The following UBOX5 variants were observed in gnomAD, a reference collection of about 807,000 sequenced individuals.
The protein encoded by UBOX5 is RING finger protein 37.
Under a neutral mutation model 39.0 loss-of-function variants are expected in UBOX5, and 28 were observed. The observed-to-expected ratio is 0.72, with a 90% confidence interval of 0.53 to 0.98. The LOEUF is 0.98. Among genes scored for constraint, UBOX5 ranks in the 50% least tolerant of loss-of-function variants. UBOX5 has a pLI of 0.00. For missense variants in UBOX5, 585 were observed against 674.4 expected (o/e 0.87, Z 1.47); for synonymous variants, 283 against 275.5 (o/e 1.03, Z -0.27).
chr20:3,147,381 A>G (rs768045467), intron 1 of UBOX5: 1 of 1,614,266 alleles, frequency 6.2e-7, no homozygotes, highest in Non-Finnish European at 8.5e-7. Flanking sequence ...TCCAGTAAAA[A>G]GACAGTTTCT....
intron 1 of UBOX5, among the ~76,000 whole-genome samples, chr20:3,157,803 T>C (rs1274649777): frequency 6.6e-6 from 1 of 152,212 alleles, no homozygotes; most frequent in Non-Finnish European, 1.5e-5. Context: ...GTTAGCTCAA[T>C]AAACACTTGG....
chr20:3,125,718 T>C (rs1410478009), intron 1 of UBOX5, among the ~76,000 whole-genome samples: 112 of 91,582 alleles, frequency 1.2e-3, no homozygotes, highest in African/African-American at 1.6e-3. Flanking sequence ...TGCCTCTGCC[T>C]GGCCGCCCAT....
intron 1 of UBOX5, among the ~76,000 whole-genome samples, 198 bp downstream of exon 1, chr20:3,159,568 G>C (rs2066724839): frequency 1.3e-5 from 2 of 152,258 alleles, no homozygotes; most frequent in Admixed American, 6.5e-5. Context: ...AAACTCAGGA[G>C]CGGCGAGAGT....
chr20:3,110,418 G>A, intron 4 of UBOX5, 104 bp from the exon 5 acceptor site: 3 of 1,319,830 alleles, frequency 2.3e-6, no homozygotes, highest in South Asian at 1.3e-5. Context: ...GCAGCATCTG[G>A]CTTCATCCCT....
intron 1 of UBOX5, chr20:3,148,755 C>T (rs1473484815): frequency 4.3e-6 from 7 of 1,614,210 alleles, no homozygotes; most frequent in Non-Finnish European, 5.9e-6. Flanking sequence ...AACACTTCTA[C>T]GTCCTCTTCA....
At chr20:3,157,027 C>T (rs910923189) in intron 1 of UBOX5, among the ~76,000 whole-genome samples, 1 of 152,126 alleles carries the variant, frequency 6.6e-6, no homozygotes, top group Admixed American at 6.5e-5. Flanking sequence ...TTTGGAAGGC[C>T]GAGCAGGCAG....
At chr20:3,130,816 T>C (rs1321336867) in intron 1 of UBOX5, among the ~76,000 whole-genome samples, 1 of 151,966 alleles carries the variant, frequency 6.6e-6, no homozygotes, top group African/African-American at 2.4e-5. Flanking sequence ...ATCTCAATAA[T>C]GAGAATTCCT....
At chr20:3,132,023 A>C (rs963393191) in intron 1 of UBOX5, among the ~76,000 whole-genome samples, 282 of 149,352 alleles carry the variant, frequency 1.9e-3, no homozygotes, top group African/African-American at 6.7e-3. Flanking sequence ...AAAAAAAAAA[A>C]AAAAAACTGG....
In UBOX5 at chr20:3,123,362, C is replaced by G. The variant is rs148848697; in HGVS notation, c.4G>C (p.Val2Leu). Residue 2 changes from valine (V) to leucine (L), a missense_variant, in exon 2 of 5, where the codon GTA becomes CTA. Val to Leu is a conservative substitution (Grantham distance 32, BLOSUM62 1). Coordinates refer to ENST00000217173, the MANE Select transcript of UBOX5 (RefSeq NM_014948.4). Reference protein sequence around the residue: MVINLCLPQFRP... With the variant: MLINLCLPQFRP... ...AACTGTGGGAGGCAAAGATTTATTACCATCTTTGTGGCTGAGAGGATATCT... is the reference window on the plus strand; with the variant it reads ...AACTGTGGGAGGCAAAGATTTATTAGCATCTTTGTGGCTGAGAGGATATCT... 9 of 1,613,916 alleles carry G rather than the reference C, an allele frequency of 5.6e-6. No individual in the cohort carries two copies. The African/African-American group carries it at 1.2e-4, about 22-fold the overall frequency.
chr20:3,122,680 A>G, intron 2 of UBOX5, 96 bp from the exon 3 acceptor site: 1 of 1,430,286 alleles, frequency 7.0e-7, no homozygotes, highest in Non-Finnish European at 9.2e-7. Flanking sequence ...TCGTTTTAAA[A>G]TTTCCTCTAT....
At chr20:3,120,871 G>A (rs2066329865) in intron 3 of UBOX5, among the ~76,000 whole-genome samples, 1 of 152,088 alleles carries the variant, frequency 6.6e-6, no homozygotes, top group Non-Finnish European at 1.5e-5. Flanking sequence ...ACATGGTGAG[G>A]GGGGCGCACA....
chr20:3,115,103 G>A (rs964765702), intron 4 of UBOX5, among the ~76,000 whole-genome samples: 1 of 152,136 alleles, frequency 6.6e-6, no homozygotes, highest in Admixed American at 6.5e-5. Context: ...CTTTCTTGTG[G>A]GGAGTTTAAG....
chr20:3,148,179 G>T (rs6084274), intron 1 of UBOX5: 3 of 1,613,736 alleles, frequency 1.9e-6, no homozygotes, highest in Admixed American at 1.7e-5. Context: ...TTTTGCATTA[G>T]GTCCTGGGAT....
intron 1 of UBOX5, chr20:3,147,008 G>A: frequency 6.2e-7 from 1 of 1,614,182 alleles, no homozygotes; most frequent in South Asian, 1.1e-5. Flanking sequence ...CTGCATGCAG[G>A]CTGCGGGGCA....
At chr20:3,154,676 AAAAT>A (rs2066666207) in intron 1 of UBOX5, among the ~76,000 whole-genome samples, 2 of 152,212 alleles carry the variant, frequency 1.3e-5, no homozygotes, top group South Asian at 2.1e-4. Context: ...CCTATCTCAA[AAAAT>A]AAATAAATAA....
chr20:3,158,819 C>A (rs188114094), intron 1 of UBOX5, among the ~76,000 whole-genome samples: 1 of 152,350 alleles, frequency 6.6e-6, no homozygotes, highest in African/African-American at 2.4e-5. Flanking sequence ...TATCCAAGGA[C>A]TTGCCCAGGA....
chr20:3,155,502 G>A (rs1482361039), intron 1 of UBOX5, among the ~76,000 whole-genome samples: 2 of 152,092 alleles, frequency 1.3e-5, no homozygotes, highest in Non-Finnish European at 2.9e-5. Context: ...CTGCACTCCA[G>A]TCTGGGCAAC....
chr20:3,108,991 G>C lies in UBOX5; in HGVS notation c.*1115C>G, dbSNP rs889168171. On this transcript the variant is annotated 3_prime_UTR_variant, in exon 5 of 5. Coordinates refer to ENST00000217173, the MANE Select transcript of UBOX5 (RefSeq NM_014948.4). ...CAAACCCAGATCTCTAAAGTATTGG[G>C]TGTGGACTAGAGCTCTGGACGGCCT... The C allele has an allele frequency of 6.6e-6, 1 of 151,496 alleles. No homozygotes were observed. The highest frequency in any genetic ancestry group is 2.4e-5 in the African/African-American group (1 of 41,228). The allele number at this position is 151,496 out of a possible 1,614,324, so 9.4% of individuals were successfully genotyped here. A position where few individuals can be genotyped will look rare whatever the true frequency, so the allele number is the denominator to read the frequency against.
intron 3 of UBOX5, among the ~76,000 whole-genome samples, chr20:3,120,934 C>A (rs186244359): frequency 1.3e-5 from 2 of 152,192 alleles, no homozygotes; most frequent in East Asian, 1.9e-4. Flanking sequence ...AGAAATAACA[C>A]CCAGAGGAGC....
Sources: allele counts gnomAD v4.1 joint callset (sites outside exome capture counted in the v4.1 genomes callset), GRCh38; gene constraint gnomAD v4.1.1; transcripts MANE v1.5; gene names NCBI Gene and HGNC (gene_info 2026-07-23, HGNC 2026-07-21).